The following LRRC4B variants were observed in gnomAD, a reference collection of about 807,000 sequenced individuals.
LRRC4B encodes the protein leucine-rich repeat-containing protein 4B.
In LRRC4B, 1 loss-of-function variant was observed where a neutral mutation model predicts 7.3. The observed-to-expected ratio is 0.14, with a 90% CI of 0.05 to 0.65. The LOEUF (loss-of-function observed/expected upper bound fraction) is 0.65. Ranked by LOEUF, LRRC4B falls within the 30% of genes least tolerant of loss-of-function variation. The probability of loss-of-function intolerance (pLI) is 0.84; values close to 1 mark genes in which losing one functional copy is unlikely to be tolerated. For missense variants in LRRC4B, 730 were observed against 1,041.6 expected (o/e 0.70, Z 4.12); for synonymous variants, 500 against 499.2 (o/e 1.00, Z -0.02).
intron 2 of LRRC4B, among the ~76,000 whole-genome samples, chr19:50,525,270 A>G (rs1001455784): frequency 6.6e-6 from 1 of 152,170 alleles, no homozygotes; most frequent in Non-Finnish European, 1.5e-5. Context: ...ATGAGGTCCC[A>G]GTGTTCAGGG....
In LRRC4B at chr19:50,518,708, C is replaced by T. The variant is rs780149875; in HGVS notation, c.1005G>A (p.Thr335=). 3 of 1,613,892 alleles carry T rather than the reference C, an allele frequency of 1.9e-6. No individual in the cohort carries two copies. The highest frequency in any genetic ancestry group is 2.2e-5 in the East Asian group (1 of 44,878). The change falls in exon 3 of 3, where the codon ACG becomes ACA. Residue 335 remains threonine, a synonymous_variant. Coordinates refer to ENST00000652263, the MANE Select transcript of LRRC4B (RefSeq NM_001080457.2). ...CGGGCGCATGACAGCGGGCGCAGCA[C>T]GTCGTGTTGCTGGGCACCGTCTCCT... ...WLKETVPSNT[T]CCARCHAPAG...
At chr19:50,565,651 C>T (rs1366606667) in intron 1 of LRRC4B, among the ~76,000 whole-genome samples, 2 of 151,906 alleles carry the variant, frequency 1.3e-5, no homozygotes, top group East Asian at 3.9e-4. Context: ...CTTGGGGTCC[C>T]TCTGACAAGT....
Position 50,518,909 on chromosome 19 carries a change from G to T in LRRC4B, c.804C>A (p.Ile268=), listed in dbSNP as rs757109311. The change falls in exon 3 of 3, where the codon ATC becomes ATA. Residue 268 remains isoleucine, a synonymous_variant. Transcript: ENST00000652263. ...TGAGGTCGTCGAAGGCGTTGCGCTCGATGGTGGCTACCTGGGCGTGCATGA... is the reference window on the plus strand; with the variant it reads ...TGAGGTCGTCGAAGGCGTTGCGCTCTATGGTGGCTACCTGGGCGTGCATGA... ...LWLMHAQVAT[I]ERNAFDDLKS... 6.2e-7 allele frequency: 1 copy of T among 1,614,050 alleles called. No homozygotes were observed. Among genetic ancestry groups the T allele is most frequent in the Non-Finnish European group, 8.5e-7 (1 of 1,179,976 alleles).
chr19:50,517,690 T>C lies in LRRC4B; in HGVS notation c.2023A>G (p.Ser675Gly), dbSNP rs749142800. Residue 675 changes from serine to glycine, a missense_variant, in exon 3 of 3, where the codon AGC (serine) becomes GGC (glycine). Transcript: ENST00000652263. The surrounding 1 kb of genome is among the most constrained non-coding windows in gnomAD (Gnocchi z 6.6). ...YVAAAFKAHY[S>G]SNPSGGGCGG... ...CAGCCCCCGCCGCTGGGGTTGCTGC[T>C]GTAGTGCGCCTTGAAGGCGGCAGCC... 1 of 1,549,356 alleles carries C rather than the reference T, an allele frequency of 6.5e-7. No homozygotes were observed. The highest frequency in any genetic ancestry group is 2.1e-5 in the Admixed American group (1 of 48,688).
Position 50,545,580 on chromosome 19 carries a change from C to T in LRRC4B, c.297+2962G>A, listed in dbSNP as rs564587097. Reference sequence around the variant, plus strand: ...TGAATGACAGAGTGAGACCCTGTCTCTAAAAATGAAACCATTTACATAGAG... The same window carrying T: ...TGAATGACAGAGTGAGACCCTGTCTTTAAAAATGAAACCATTTACATAGAG... On this transcript the variant is annotated intron_variant, in intron 2 of 2. Transcript: ENST00000652263. Among the ~76,000 whole-genome samples the T allele has an allele frequency of 7.9e-5, 12 of 151,882 alleles. 1 individual carries two copies. The South Asian group carries it at 2.5e-3, about 32-fold the overall frequency.
rs745383249 is a variant in LRRC4B, at chr19:50,519,035, C to T, written c.678G>A (p.Thr226=). 3 of 1,610,870 alleles carry T rather than the reference C, an allele frequency of 1.9e-6. No individual in the cohort carries two copies. The highest frequency in any genetic ancestry group is 2.7e-5 in the African/African-American group (2 of 74,896). Residue 226 remains threonine (T), a synonymous_variant, in exon 3 of 3, where the codon ACG becomes ACA. Transcript: ENST00000652263. The surrounding 1 kb of genome is among the most constrained non-coding windows in gnomAD (Gnocchi z 8.1). Reference sequence around the variant, plus strand: ...CCAGCTCCTCCAGGCGCACCAGGGCCGTCAGGTTGGGGATGTCCTTGAGGT... The same window carrying T: ...CCAGCTCCTCCAGGCGCACCAGGGCTGTCAGGTTGGGGATGTCCTTGAGGT... ...MCNLKDIPNL[T]ALVRLEELEL...
intron 2 of LRRC4B, among the ~76,000 whole-genome samples, chr19:50,535,969 C>T (rs1462468349): frequency 6.6e-6 from 1 of 152,236 alleles, no homozygotes; most frequent in Non-Finnish European, 1.5e-5. Context: ...GGCAGCAGGA[C>T]TTTGCCTAAG....
At chr19:50,530,919 G>T (rs1981026689) in intron 2 of LRRC4B, among the ~76,000 whole-genome samples, 1 of 102,122 alleles carries the variant, frequency 9.8e-6, no homozygotes, top group Non-Finnish European at 2.1e-5. Context: ...TGTATTTTTA[G>T]TAGAAACCTG....
Position 50,517,565 on chromosome 19 carries a change from G to T in LRRC4B, c.*6C>A. On this transcript the variant is annotated 3_prime_UTR_variant, in exon 3 of 3. Transcript: ENST00000652263. This position sits in a 1 kb window ranked among gnomAD's most constrained non-coding sequence, Gnocchi z 6.6. ...CCACGCCCCTCGCCCGCCCGGCCCC[G>T]CCGCCTCAGATCTGCGTCTCTTGCA... 7.0e-7 allele frequency: 1 copy of T among 1,419,294 alleles called. No individual in the cohort carries two copies. The allele number at this position is 1,419,294 out of a possible 1,614,324, so 87.9% of individuals were successfully genotyped here.
chr19:50,535,387 G>A (rs2122843265), intron 2 of LRRC4B, among the ~76,000 whole-genome samples: 1 of 151,764 alleles, frequency 6.6e-6, no homozygotes, highest in South Asian at 2.1e-4. Flanking sequence ...GGCCGGGCTG[G>A]TCTCCAACTC....
At position 50,553,991 on chromosome 19, in the gene LRRC4B, C is replaced by CTTTTT. The variant is rs3058937; in HGVS notation, c.-35-5123_-35-5119dup. 4.6e-4 allele frequency among the ~76,000 whole-genome samples: 51 copies of CTTTTT among 111,776 alleles called. No homozygotes were observed. Among genetic ancestry groups the CTTTTT allele is most frequent in the African/African-American group, 1.5e-3 (42 of 28,238 alleles). 73.3% of individuals were successfully genotyped at this position (111,776 alleles called of 152,430 possible). Reference sequence around the variant, plus strand: ...GGAGGCCTGCTGGCAGAGGCAGCACCTTTTTTTTTTTTTTTTTTTTGAGAC... The same window carrying CTTTTT: ...GGAGGCCTGCTGGCAGAGGCAGCACCTTTTTTTTTTTTTTTTTTTTTTTTTGAGAC... On this transcript the variant is annotated intron_variant, in intron 1 of 2. Transcript: ENST00000652263. This position sits in a 1 kb window ranked among gnomAD's most constrained non-coding sequence, Gnocchi z 4.2.
Position 50,517,769 on chromosome 19 carries a change from G to A in LRRC4B, c.1944C>T (p.Ser648=). The part of the protein sequence containing the change: ...VASGGGVGGD[S]HLALPALERD... ...GCTCCAGGGCGGGCAGGGCCAGGTG[G>A]CTGTCCCCGCCCACACCACCCCCAC... Residue 648 remains serine, a synonymous_variant, in exon 3 of 3, where the codon AGC becomes AGT. Transcript: ENST00000652263. This position sits in a 1 kb window ranked among gnomAD's most constrained non-coding sequence, Gnocchi z 6.6. 2.0e-6 allele frequency: 3 copies of A among 1,518,720 alleles called. No homozygotes were observed. In the South Asian group the frequency reaches 3.9e-5, roughly 20 times the overall value. 94.1% of individuals were successfully genotyped at this position (1,518,720 alleles called of 1,614,324 possible).
chr19:50,559,483 T>C (rs1412657990), intron 1 of LRRC4B, among the ~76,000 whole-genome samples: 1 of 152,156 alleles, frequency 6.6e-6, no homozygotes, highest in African/African-American at 2.4e-5. Context: ...GGACTGTGAT[T>C]CTGTGCTGGG....
intron 1 of LRRC4B, among the ~76,000 whole-genome samples, chr19:50,552,162 G>A (rs1568733581): frequency 6.6e-6 from 1 of 151,918 alleles, no homozygotes; most frequent in Non-Finnish European, 1.5e-5. Context: ...TGACCGGGCT[G>A]GGCCACCACT....
At chr19:50,524,386 C>T (rs111507099) in intron 2 of LRRC4B, among the ~76,000 whole-genome samples, 7,020 of 152,240 alleles carry the variant, frequency 0.046, 532 homozygotes, top group African/African-American at 0.16. Context: ...GCTGGGACTA[C>T]AGGCACGTGC....
chr19:50,533,407 C>T (rs528188172), intron 2 of LRRC4B, among the ~76,000 whole-genome samples: 1 of 152,222 alleles, frequency 6.6e-6, no homozygotes, highest in South Asian at 2.1e-4. Context: ...TTCTCTTCTC[C>T]TCCCAAATAA....
At chr19:50,520,237 AAAAAAAAAAAG>A (rs1980510358) in intron 2 of LRRC4B, among the ~76,000 whole-genome samples, 1 of 64,972 alleles carries the variant, frequency 1.5e-5, no homozygotes, top group Non-Finnish European at 2.8e-5. Flanking sequence ...AAAAAAAAAA[AAAAAAAAAAAG>A]AAGAAAAGAA....
Position 50,517,227 on chromosome 19 carries a change from GCTC to G in LRRC4B, c.*341_*343del, listed in dbSNP as rs1047151556. On this transcript the variant is annotated 3_prime_UTR_variant, in exon 3 of 3. Coordinates refer to ENST00000652263, the MANE Select transcript of LRRC4B (RefSeq NM_001080457.2). The surrounding 1 kb of genome is among the most constrained non-coding windows in gnomAD (Gnocchi z 6.6). ...AGGGGAAAGGACACCCCTGGAGAAA[GCTC>G]CTCTCTCCCCTGGAAGGCGGCGGGC... 4 of 212,542 alleles carry G rather than the reference GCTC, an allele frequency of 1.9e-5. No homozygotes were observed. Among genetic ancestry groups the G allele is most frequent in the African/African-American group, 9.1e-5 (4 of 43,886 alleles). 13.2% of individuals were successfully genotyped at this position (212,542 alleles called of 1,614,324 possible). A position where few individuals can be genotyped will look rare whatever the true frequency, so the allele number is the denominator to read the frequency against.
At chr19:50,544,968 C>T (rs534865800) in intron 2 of LRRC4B, among the ~76,000 whole-genome samples, 6 of 151,984 alleles carry the variant, frequency 3.9e-5, no homozygotes, top group South Asian at 2.1e-4. Context: ...AAAAATTAGC[C>T]GGACGTGGTG....
Sources: gnomAD v4.1 joint callset for allele counts (sites outside exome capture counted in the v4.1 genomes callset) on GRCh38, gnomAD v4.1.1 for gene constraint, Gnocchi (gnomAD v3.1) non-coding constraint, MANE v1.5 for transcripts, NCBI Gene and HGNC (gene_info 2026-07-23, HGNC 2026-07-21) for gene names.